The following MAPK4 variants were observed in gnomAD, a reference collection of about 807,000 sequenced individuals.
The protein encoded by MAPK4 is mitogen-activated protein kinase 4, also known as Erk3-related.
In MAPK4, 22 loss-of-function variants were observed where a neutral mutation model predicts 47.7. The observed-to-expected ratio is 0.46, with a 90% CI of 0.33 to 0.66. MAPK4 has a LOEUF of 0.66. Ranked by LOEUF, MAPK4 falls within the 30% of genes least tolerant of loss-of-function variation. The probability of loss-of-function intolerance (pLI) is 0.02; values close to 1 mark genes in which losing one functional copy is unlikely to be tolerated. For synonymous variants in MAPK4, 390 were observed against 365.7 expected (o/e 1.07, Z -0.76); for missense variants, 736 against 831.7 (o/e 0.88, Z 1.42).
At chr18:50,586,861 A>G (rs965109976) in intron 1 of MAPK4, among the ~76,000 whole-genome samples, 1 of 152,156 alleles carries the variant, frequency 6.6e-6, no homozygotes, top group Non-Finnish European at 1.5e-5. Flanking sequence ...TTTTCATTTA[A>G]TCTTTACTTT....
chr18:50,609,233 G>C (rs2042609717), intron 1 of MAPK4, among the ~76,000 whole-genome samples: 2 of 151,668 alleles, frequency 1.3e-5, no homozygotes, highest in Non-Finnish European at 3.0e-5. Flanking sequence ...GAGCTGTTGG[G>C]TACACCTCCC....
intron 2 of MAPK4, among the ~76,000 whole-genome samples, chr18:50,667,962 T>C (rs1211551361): frequency 6.6e-6 from 1 of 152,202 alleles, no homozygotes; most frequent in Non-Finnish European, 1.5e-5. Flanking sequence ...AATAAGTCCG[T>C]GCCTCCGGAA....
chr18:50,570,179 G>A (rs776032803), intron 1 of MAPK4, among the ~76,000 whole-genome samples: 26 of 152,232 alleles, frequency 1.7e-4, no homozygotes, highest in South Asian at 6.2e-4. Flanking sequence ...ACTGTGACTA[G>A]AGAACTTTAT....
intron 1 of MAPK4, among the ~76,000 whole-genome samples, chr18:50,593,526 G>A (rs1009955719): frequency 2.6e-5 from 4 of 152,152 alleles, no homozygotes; most frequent in African/African-American, 9.7e-5. Context: ...TTGTGAAGTG[G>A]AACGAATCCT....
rs1164794921 is a variant in MAPK4, at chr18:50,730,147, G to A, written c.*293G>A. 1.4e-5 allele frequency: 4 copies of A among 283,132 alleles called. No homozygotes were observed. 17.5% of individuals were successfully genotyped at this position (283,132 alleles called of 1,614,324 possible). A position where few individuals can be genotyped will look rare whatever the true frequency, so the allele number is the denominator to read the frequency against. On this transcript the variant is annotated 3_prime_UTR_variant, in exon 6 of 6. Transcript: ENST00000400384. ...GAAACGGCTTTAGACAGCAGTCTGC[G>A]GGCCCCACCTGGGTGGCAGGATGCC...
At chr18:50,718,172 C>T (rs1324387314) in intron 3 of MAPK4, among the ~76,000 whole-genome samples, 1 of 152,180 alleles carries the variant, frequency 6.6e-6, no homozygotes, top group Non-Finnish European at 1.5e-5. Flanking sequence ...TCTGAGGGAA[C>T]ACCAGCAGGA....
intron 2 of MAPK4, among the ~76,000 whole-genome samples, chr18:50,675,047 G>A (rs1227363709): frequency 6.6e-6 from 1 of 152,174 alleles, no homozygotes; most frequent in African/African-American, 2.4e-5. Flanking sequence ...AGTGCTTAAT[G>A]GGTGTTAACC....
At chr18:50,597,898 T>C (rs76226158) in intron 1 of MAPK4, among the ~76,000 whole-genome samples, 2,472 of 152,278 alleles carry the variant, frequency 0.016, 67 homozygotes, top group African/African-American at 0.056. Flanking sequence ...TCTGAAAATA[T>C]ATAAAAGTGG....
In MAPK4 at chr18:50,597,306, A is replaced by G. The variant is rs16952196; in HGVS notation, c.-871+37063A>G. Among the ~76,000 whole-genome samples the G allele has an allele frequency of 4.0e-3, 605 of 152,348 alleles. 3 individuals carry two copies. Among genetic ancestry groups the G allele is most frequent in the African/African-American group, 0.014 (579 of 41,586 alleles). ...TCTGGAGACAGCTTGTTGCAGAGACAGATCCAGAGATATTACCAACTGGAA... is the reference window on the plus strand; with the variant it reads ...TCTGGAGACAGCTTGTTGCAGAGACGGATCCAGAGATATTACCAACTGGAA... On this transcript the variant is annotated intron_variant, in intron 1 of 5. Transcript: ENST00000400384.
chr18:50,651,958 C>T (rs1318388683), intron 1 of MAPK4, among the ~76,000 whole-genome samples: 1 of 152,230 alleles, frequency 6.6e-6, no homozygotes, highest in East Asian at 1.9e-4. Context: ...ACACTACCAG[C>T]CCCTACAGCC....
rs778334457 is a variant in MAPK4 at position 50,664,306 on chromosome 18, G to A, written c.348G>A (p.Leu116=). ...TGGAGACCGACCTGGCACGCCTGCT[G>A]GAGCAGGGCACGCTGGCAGAAGAGC... ...EYMETDLARL[L]EQGTLAEEHA... The change falls in exon 2 of 6, where the codon CTG becomes CTA. Residue 116 remains leucine (L), a synonymous_variant. Transcript: ENST00000400384. The surrounding 1 kb of genome is among the most constrained non-coding windows in gnomAD (Gnocchi z 6.0). 65 of 1,613,524 alleles carry A rather than the reference G, an allele frequency of 4.0e-5. No individual in the cohort carries two copies. Among genetic ancestry groups the A allele is most frequent in the Non-Finnish European group, 5.3e-5 (63 of 1,179,850 alleles).
At chr18:50,631,119 C>T (rs528581310) in intron 1 of MAPK4, among the ~76,000 whole-genome samples, 4 of 152,208 alleles carry the variant, frequency 2.6e-5, no homozygotes, top group African/African-American at 4.8e-5. Context: ...CAGGGTGACA[C>T]GCTGCCTTCT....
intron 1 of MAPK4, among the ~76,000 whole-genome samples, chr18:50,568,204 A>AAAAAAAG (rs1200076379): frequency 6.6e-6 from 1 of 152,048 alleles, no homozygotes; most frequent in Non-Finnish European, 1.5e-5. Context: ...CCAAAAAAAA[A>AAAAAAAG]AAAAAAGAAA....
At chr18:50,613,278 CA>C (rs1213622368) in intron 1 of MAPK4, among the ~76,000 whole-genome samples, 1 of 152,142 alleles carries the variant, frequency 6.6e-6, no homozygotes, top group Non-Finnish European at 1.5e-5. Context: ...TTTGAAAAAG[CA>C]CACAGCCGTG....
intron 5 of MAPK4, among the ~76,000 whole-genome samples, chr18:50,726,965 G>A (rs1322400323): frequency 1.3e-5 from 2 of 152,124 alleles, no homozygotes; most frequent in Non-Finnish European, 2.9e-5. Flanking sequence ...CACCCCTGAT[G>A]GGCCTCTCTG....
intron 1 of MAPK4, among the ~76,000 whole-genome samples, chr18:50,604,222 A>G (rs188281842): frequency 1.3e-5 from 2 of 152,214 alleles, no homozygotes; most frequent in African/African-American, 2.4e-5. Flanking sequence ...GATGATTTTG[A>G]GTTACTGAGA....
chr18:50,620,809 GA>G (rs1462734070), intron 1 of MAPK4, among the ~76,000 whole-genome samples: 1 of 151,648 alleles, frequency 6.6e-6, no homozygotes, highest in African/African-American at 2.4e-5. Context: ...CTTGCAGAAA[GA>G]AAAAAAATCC....
chr18:50,692,046 C>T (rs1357295318), intron 2 of MAPK4, among the ~76,000 whole-genome samples: 1 of 152,150 alleles, frequency 6.6e-6, no homozygotes, highest in African/African-American at 2.4e-5. Context: ...ATGAATGTAA[C>T]TCAGGGTCAC....
At chr18:50,709,861 C>T (rs1041709495) in intron 2 of MAPK4, among the ~76,000 whole-genome samples, 2 of 152,198 alleles carry the variant, frequency 1.3e-5, no homozygotes, top group African/African-American at 4.8e-5. Flanking sequence ...GCCATGATTA[C>T]TTCCTGGTCC....
Sources: gnomAD v4.1 joint callset for allele counts (sites outside exome capture counted in the v4.1 genomes callset) on GRCh38, gnomAD v4.1.1 for gene constraint, Gnocchi (gnomAD v3.1) non-coding constraint, MANE v1.5 for transcripts, NCBI Gene and HGNC (gene_info 2026-07-23, HGNC 2026-07-21) for gene names.